DROSHA: variants seen among roughly 807,000 people sequenced by gnomAD.
The protein encoded by DROSHA is drosha ribonuclease III.
DROSHA carries 56 observed loss-of-function variants against 181.9 expected under a neutral mutation model. The observed-to-expected ratio is 0.31, with a 90% CI of 0.25 to 0.38. The LOEUF (loss-of-function observed/expected upper bound fraction) is 0.38, where lower values mean the gene tolerates loss of function less well. DROSHA is among the 10% of genes least tolerant of loss of function. DROSHA has a pLI of 1.00. For synonymous variants in DROSHA, 524 were observed against 591.2 expected, an observed-to-expected ratio of 0.89 and a Z score of 1.65; for missense variants, 1,218 against 1,743.5, an observed-to-expected ratio of 0.70 and a Z score of 5.37.
At chr5:31,507,494 C>T (rs12513452) in intron 10 of DROSHA, among the ~76,000 whole-genome samples, 49,801 of 148,804 alleles carry the variant, frequency 0.33, 8,544 homozygotes, top group East Asian at 0.58. Flanking sequence ...CATAGTGGGA[C>T]GCCCCTATAG....
intron 27 of DROSHA, among the ~76,000 whole-genome samples, chr5:31,425,878 A>T (rs778218362): frequency 2.0e-5 from 3 of 152,108 alleles, no homozygotes; most frequent in Non-Finnish European, 2.9e-5. Context: ...TAATTGTAGG[A>T]CCTACTCAAG....
chr5:31,478,022 A>G (rs565368290), intron 16 of DROSHA, among the ~76,000 whole-genome samples: 1 of 152,360 alleles, frequency 6.6e-6, no homozygotes, highest in East Asian at 1.9e-4. Context: ...GAGAAATATG[A>G]TGATGACTTA....
chr5:31,435,895 A>C, intron 24 of DROSHA, 31 bp from the exon 25 acceptor site: 1 of 1,595,960 alleles, frequency 6.3e-7, no homozygotes, highest in Non-Finnish European at 8.6e-7. Context: ...ACATGAATAA[A>C]TATGCATCAC....
chr5:31,413,051 A>G (rs1001927804), intron 30 of DROSHA, among the ~76,000 whole-genome samples: 28 of 152,300 alleles, frequency 1.8e-4, no homozygotes, highest in African/African-American at 6.7e-4. Flanking sequence ...CAACGCACAC[A>G]TGAGCACACA....
chr5:31,493,404 G>A, intron 12 of DROSHA, 111 bp from the exon 13 acceptor site: 1 of 853,112 alleles, frequency 1.2e-6, no homozygotes, highest in South Asian at 2.1e-5. Flanking sequence ...CTTCCTTTCA[G>A]ACACCAGGGA....
intron 11 of DROSHA, among the ~76,000 whole-genome samples, chr5:31,496,142 A>T (rs1384454928): frequency 1.3e-5 from 2 of 152,206 alleles, no homozygotes; most frequent in African/African-American, 4.8e-5. Flanking sequence ...CCTTAAAAAC[A>T]ACTGTAAAGT....
At chr5:31,444,621 T>C (rs1746030913) in intron 23 of DROSHA, among the ~76,000 whole-genome samples, 1 of 152,214 alleles carries the variant, frequency 6.6e-6, no homozygotes, top group Non-Finnish European at 1.5e-5. Context: ...CATTGAAAAG[T>C]ACATGTCTAT....
rs549564455 is a variant in DROSHA, at chr5:31,405,626, A to G, written c.3994+51T>C. The G allele has an allele frequency of 4.8e-5, 70 of 1,470,050 alleles. No homozygotes were observed. The African/African-American group carries it at 9.3e-4, about 20-fold the overall frequency. 91.1% of individuals were successfully genotyped at this position (1,470,050 alleles called of 1,614,324 possible). A position where few individuals can be genotyped will look rare whatever the true frequency, so the allele number is the denominator to read the frequency against. Reference sequence around the variant, plus strand: ...TTCTCCTTCCTCATTTCCTTTCCATAAAACACTCATTACATTATGAACATA... The same window carrying G: ...TTCTCCTTCCTCATTTCCTTTCCATGAAACACTCATTACATTATGAACATA... On this transcript the variant is annotated intron_variant, in intron 35 of 35. Coordinates refer to ENST00000344624, the MANE Select transcript of DROSHA (RefSeq NM_001382508.1).
intron 10 of DROSHA, 23 bp from the exon 11 acceptor site, chr5:31,504,658 C>A: frequency 6.2e-7 from 1 of 1,613,100 alleles, no homozygotes; most frequent in Non-Finnish European, 8.5e-7. Flanking sequence ...CAATGTAATT[C>A]GTTTTTATTG....
intron 12 of DROSHA, 61 bp downstream of exon 12, chr5:31,495,225 T>C: frequency 6.7e-7 from 1 of 1,492,338 alleles, no homozygotes; most frequent in Non-Finnish European, 9.3e-7. Context: ...AACTTTAGCC[T>C]ATTCACATTT....
chr5:31,408,893 G>T, intron 33 of DROSHA, 163 bp downstream of exon 33: 1 of 606,460 alleles, frequency 1.6e-6, no homozygotes, highest in South Asian at 2.1e-5. Context: ...GAGAGCCCCA[G>T]TGAGTTTCCC....
At chr5:31,410,487 TG>T (rs1741177155) in intron 31 of DROSHA, among the ~76,000 whole-genome samples, 1 of 152,198 alleles carries the variant, frequency 6.6e-6, no homozygotes, top group South Asian at 2.1e-4. Flanking sequence ...CAAAGGGATG[TG>T]GTAGCTGAGT....
Position 31,489,847 on chromosome 5 carries a change from C to T in DROSHA, c.1843-3285G>A, listed in dbSNP as rs1333225975. On this transcript the variant is annotated intron_variant, in intron 13 of 35. Transcript: ENST00000344624. ...GTGCTTTTGAGAATACGACAAAATA[C>T]GGTGTAACTCATACATATACCTTAC... Among the ~76,000 whole-genome samples the T allele has an allele frequency of 1.1e-4, 16 of 152,116 alleles. No homozygotes were observed. In the South Asian group the frequency reaches 2.5e-3, roughly 24 times the overall value.
intron 14 of DROSHA, 83 bp from the exon 15 acceptor site, chr5:31,485,045 CT>C (rs1389874178): frequency 1.1e-5 from 11 of 963,326 alleles, no homozygotes; most frequent in Non-Finnish European, 1.7e-5. Context: ...TGTCAAGTGT[CT>C]TTAAAAGTGT....
chr5:31,407,858 C>T (rs1169323974), intron 33 of DROSHA, among the ~76,000 whole-genome samples: 3 of 152,090 alleles, frequency 2.0e-5, no homozygotes, highest in South Asian at 4.1e-4. Flanking sequence ...ATTTATTGAA[C>T]CTTAATTATC....
chr5:31,494,358 G>A (rs1054616689), intron 12 of DROSHA, among the ~76,000 whole-genome samples: 7 of 152,124 alleles, frequency 4.6e-5, no homozygotes, highest in South Asian at 2.1e-4. Flanking sequence ...GATTTCATTC[G>A]TTTAAACATT....
intron 23 of DROSHA, among the ~76,000 whole-genome samples, chr5:31,443,270 G>A (rs1016572619): frequency 3.3e-5 from 5 of 151,694 alleles, no homozygotes; most frequent in South Asian, 2.1e-4. Context: ...CACCCACCTC[G>A]GCCTCCCAAA....
Position 31,504,547 on chromosome 5 carries a change from C to T in DROSHA, c.1668+8G>A, listed in dbSNP as rs1420444474. Reference sequence around the variant, plus strand: ...GCATTTACAAACATAATAACCCAAACCAGTTACCTCTTCTCCAGGATAAAT... The same window carrying T: ...GCATTTACAAACATAATAACCCAAATCAGTTACCTCTTCTCCAGGATAAAT... On this transcript the variant is annotated splice_region_variant and intron_variant, in intron 11 of 35. Transcript: ENST00000344624. 4 of 1,613,754 alleles carry T rather than the reference C, an allele frequency of 2.5e-6. No individual in the cohort carries two copies. Among genetic ancestry groups the T allele is most frequent in the Admixed American group, 3.3e-5 (2 of 59,988 alleles).
chr5:31,434,694 CTCTT>C (rs1294779919), intron 25 of DROSHA, among the ~76,000 whole-genome samples: 18 of 152,310 alleles, frequency 1.2e-4, no homozygotes, highest in Admixed American at 6.5e-5. Flanking sequence ...GCTTTATCTA[CTCTT>C]TCTATCAAAA....
Sources: gnomAD v4.1 joint callset for allele counts (sites outside exome capture counted in the v4.1 genomes callset) on GRCh38, gnomAD v4.1.1 for gene constraint, MANE v1.5 for transcripts, NCBI Gene and HGNC (gene_info 2026-07-23, HGNC 2026-07-21) for gene names.